The following GNAO1 variants were observed in gnomAD, a reference collection of about 807,000 sequenced individuals.
The protein encoded by GNAO1 is guanine nucleotide-binding protein G(o) subunit alpha.
For synonymous variants in GNAO1, 164 were observed against 180.7 expected (o/e 0.91, Z 0.74); for missense variants, 166 against 478.7 (o/e 0.35, Z 6.10).
chr16:56,234,539 A>T (rs1359321452), intron 2 of GNAO1, among the ~76,000 whole-genome samples: 2 of 152,244 alleles, frequency 1.3e-5, no homozygotes, highest in Non-Finnish European at 2.9e-5. Flanking sequence ...AGCCAGTTTA[A>T]GGAGAGCTCA....
chr16:56,287,305 C>G (rs964647362), intron 3 of GNAO1, among the ~76,000 whole-genome samples: 8 of 152,218 alleles, frequency 5.3e-5, no homozygotes, highest in African/African-American at 1.7e-4. Context: ...CGCTTCAAAG[C>G]TGGGGAGGCA....
At chr16:56,227,687 CAAAAA>C (rs386384777) in intron 2 of GNAO1, among the ~76,000 whole-genome samples, 17 of 61,958 alleles carry the variant, frequency 2.7e-4, no homozygotes, top group East Asian at 1.8e-3. Flanking sequence ...GACCCTGTCT[CAAAAA>C]AAAAAAAAAA....
At chr16:56,212,260 T>TTCAAA (rs1363006855) in intron 2 of GNAO1, among the ~76,000 whole-genome samples, 1 of 152,240 alleles carries the variant, frequency 6.6e-6, no homozygotes. Context: ...ATGCCATACA[T>TTCAAA]GGTATGTAAC....
rs550808279 is a variant in GNAO1, at chr16:56,334,283, C to T, written c.465-446C>T. Among the ~76,000 whole-genome samples, 50 of 152,318 alleles carry T rather than the reference C, an allele frequency of 3.3e-4. No homozygotes were observed. In the East Asian group the frequency reaches 4.4e-3, roughly 14 times the overall value. ...ATTATGGCCTCTGGAGCCAAGGGTC[C>T]GGGTCACAGCCTCAGGCAAGGTACT... On this transcript the variant is annotated intron_variant, in intron 4 of 8. Transcript: ENST00000262493.
At chr16:56,255,763 T>C (rs2143467775) in intron 2 of GNAO1, among the ~76,000 whole-genome samples, 1 of 152,288 alleles carries the variant, frequency 6.6e-6, no homozygotes, top group Admixed American at 6.5e-5. Context: ...CCAATATTTT[T>C]AAGTTAGATC....
chr16:56,197,342 G>A (rs1378081155), intron 2 of GNAO1, among the ~76,000 whole-genome samples: 3 of 152,304 alleles, frequency 2.0e-5, no homozygotes, highest in South Asian at 2.1e-4. Flanking sequence ...TTATTCAAAT[G>A]GATGCACCTT....
chr16:56,278,017 T>C (rs1166844539), intron 3 of GNAO1, among the ~76,000 whole-genome samples: 1 of 152,140 alleles, frequency 6.6e-6, no homozygotes, highest in Non-Finnish European at 1.5e-5. Flanking sequence ...TTTATTATCC[T>C]GAATGGAGAG....
At position 56,351,730 on chromosome 16, in the gene GNAO1, G is replaced by A. The variant is rs539096642; in HGVS notation, c.877+193G>A. Reference sequence around the variant, plus strand: ...GGCTTCCCAGGACACAGCCCTCAGCGTGGTGGAAATGGCCCCTCCTAAGAT... The same window carrying A: ...GGCTTCCCAGGACACAGCCCTCAGCATGGTGGAAATGGCCCCTCCTAAGAT... On this transcript the variant is annotated intron_variant, in intron 7 of 8. Transcript: ENST00000262493. This position sits in a 1 kb window ranked among gnomAD's most constrained non-coding sequence, Gnocchi z 6.1. Among the ~76,000 whole-genome samples, 9 of 152,326 alleles carry A rather than the reference G, an allele frequency of 5.9e-5. No individual in the cohort carries two copies. The highest frequency in any genetic ancestry group is 2.1e-4 in the South Asian group (1 of 4,828).
At chr16:56,275,768 G>T (rs1449465657) in intron 2 of GNAO1, among the ~76,000 whole-genome samples, 163 bp from the exon 3 acceptor site, 1 of 152,118 alleles carries the variant, frequency 6.6e-6, no homozygotes, top group Admixed American at 6.5e-5. Flanking sequence ...AGTAATTTAG[G>T]TAGCTTTTTC....
intron 2 of GNAO1, among the ~76,000 whole-genome samples, chr16:56,248,316 A>G (rs1248956629): frequency 6.6e-6 from 1 of 152,246 alleles, no homozygotes; most frequent in Non-Finnish European, 1.5e-5. Flanking sequence ...AAATGAAATC[A>G]AACTTCTGAT....
At chr16:56,340,777 G>A (rs543909047) in intron 6 of GNAO1, 70 of 1,533,608 alleles carry the variant, frequency 4.6e-5, no homozygotes, top group Non-Finnish European at 5.9e-5. Context: ...CATTGGCCGC[G>A]GTGGGTCAGG....
At chr16:56,343,931 G>A (rs780642028) in intron 6 of GNAO1, 57 of 1,613,768 alleles carry the variant, frequency 3.5e-5, no homozygotes, top group South Asian at 4.4e-5. Context: ...AAAAACCTGC[G>A]GGGCTGTGGA....
At chr16:56,247,786 TCCTG>T (rs2036762912) in intron 2 of GNAO1, among the ~76,000 whole-genome samples, 1 of 152,206 alleles carries the variant, frequency 6.6e-6, no homozygotes, top group Non-Finnish European at 1.5e-5. Flanking sequence ...TTTGCAAACA[TCCTG>T]CCTAAGATAG....
chr16:56,276,626 C>T (rs1279922954), intron 3 of GNAO1: 1 of 152,972 alleles, frequency 6.5e-6, no homozygotes, highest in Admixed American at 6.5e-5. Flanking sequence ...TTGGGGGTAA[C>T]ATTTCCAGTC....
At chr16:56,310,670 A>T (rs990532069) in intron 3 of GNAO1, among the ~76,000 whole-genome samples, 25 of 152,240 alleles carry the variant, frequency 1.6e-4, no homozygotes, top group Non-Finnish European at 3.2e-4. Context: ...CAGAGGTCAG[A>T]TGTCAAATAG....
chr16:56,217,146 G>A (rs2036443414), intron 2 of GNAO1, among the ~76,000 whole-genome samples: 1 of 152,214 alleles, frequency 6.6e-6, no homozygotes, highest in African/African-American at 2.4e-5. Flanking sequence ...AGATTGATTG[G>A]TAAGTTTTTT....
At chr16:56,331,550 A>T (rs918320809) in intron 4 of GNAO1, among the ~76,000 whole-genome samples, 6 of 151,622 alleles carry the variant, frequency 4.0e-5, no homozygotes, top group African/African-American at 1.5e-4. Context: ...GTCCCCTAGT[A>T]CCTGGTACCT....
At chr16:56,284,174 G>T (rs1404778374) in intron 3 of GNAO1, among the ~76,000 whole-genome samples, 2 of 152,230 alleles carry the variant, frequency 1.3e-5, no homozygotes, top group Non-Finnish European at 2.9e-5. Context: ...GATGGCAGAG[G>T]TGGGTACAAA....
chr16:56,273,288 C>A (rs1392314236), intron 2 of GNAO1, among the ~76,000 whole-genome samples: 6 of 152,258 alleles, frequency 3.9e-5, no homozygotes, highest in Admixed American at 6.5e-5. Context: ...GTTCACTCAT[C>A]TTCTGTATGT....
Sources: gnomAD v4.1 joint callset for allele counts (sites outside exome capture counted in the v4.1 genomes callset) on GRCh38, gnomAD v4.1.1 for gene constraint, Gnocchi (gnomAD v3.1) non-coding constraint, MANE v1.5 for transcripts, NCBI Gene and HGNC (gene_info 2026-07-23, HGNC 2026-07-21) for gene names.